The following CARMIL1 variants were observed in gnomAD, a reference collection of about 807,000 sequenced individuals.
The protein encoded by CARMIL1 is capping protein regulator and myosin 1 linker 1, also known as F-actin-uncapping protein LRRC16A.
Under a neutral mutation model 177.1 loss-of-function variants are expected in CARMIL1, and 90 were observed. The observed-to-expected ratio is 0.51, with a 90% CI of 0.43 to 0.61. The LOEUF is 0.61. CARMIL1 is among the 20% of genes least tolerant of loss of function. CARMIL1 has a pLI of 0.00. For synonymous variants in CARMIL1, 577 were observed against 606.2 expected, an observed-to-expected ratio of 0.95 and a Z score of 0.71; for missense variants, 1,380 against 1,667.0, an observed-to-expected ratio of 0.83 and a Z score of 3.00.
chr6:25,308,377 ATT>A (rs35167760), intron 2 of CARMIL1, among the ~76,000 whole-genome samples: 165 of 118,804 alleles, frequency 1.4e-3, no homozygotes, highest in East Asian at 6.5e-3. Context: ...TTGTACAACC[ATT>A]TTTTTTTTTT....
chr6:25,341,177 T>G (rs2744228), intron 2 of CARMIL1, among the ~76,000 whole-genome samples: 65,171 of 151,882 alleles, frequency 0.43, 14,198 homozygotes, highest in African/African-American at 0.51. Context: ...GCTTTGGGCG[T>G]TTAGGTATTT....
intron 8 of CARMIL1, among the ~76,000 whole-genome samples, chr6:25,459,210 T>TTTTC (rs5875042): frequency 0.052 from 4,189 of 80,138 alleles, 349 homozygotes; most frequent in Middle Eastern, 0.076. Flanking sequence ...GATCCCAACT[T>TTTTC]TTTCTTTCTT....
intron 2 of CARMIL1, among the ~76,000 whole-genome samples, chr6:25,349,918 G>A (rs772699852): frequency 7.2e-5 from 11 of 151,914 alleles, no homozygotes; most frequent in Non-Finnish European, 5.9e-5. Context: ...TAGTAGAGAT[G>A]GGGTTTCACC....
intron 29 of CARMIL1, among the ~76,000 whole-genome samples, chr6:25,568,153 A>G (rs1047362701): frequency 1.3e-5 from 2 of 152,260 alleles, no homozygotes; most frequent in African/African-American, 4.8e-5. Flanking sequence ...CAAAAAAATT[A>G]CTTCCATGCT....
chr6:25,318,083 A>G (rs1040082561), intron 2 of CARMIL1, among the ~76,000 whole-genome samples: 1 of 152,148 alleles, frequency 6.6e-6, no homozygotes, highest in Non-Finnish European at 1.5e-5. Flanking sequence ...TTGGGCTTGG[A>G]ATGTGCCAGA....
At chr6:25,570,200 G>A (rs946901812) in intron 29 of CARMIL1, among the ~76,000 whole-genome samples, 3 of 152,158 alleles carry the variant, frequency 2.0e-5, no homozygotes, top group African/African-American at 7.2e-5. Flanking sequence ...TCCTGAGCTC[G>A]TGATCTGCCC....
intron 17 of CARMIL1, among the ~76,000 whole-genome samples, chr6:25,504,106 A>G (rs1231453810): frequency 6.6e-6 from 1 of 152,188 alleles, no homozygotes; most frequent in Non-Finnish European, 1.5e-5. Context: ...CATCTACTAT[A>G]TAGAATTTTT....
At chr6:25,464,260 A>G (rs1286319769) in intron 8 of CARMIL1, among the ~76,000 whole-genome samples, 3 of 151,304 alleles carry the variant, frequency 2.0e-5, no homozygotes, top group East Asian at 1.9e-4. Context: ...TTTTTTTTCT[A>G]CTATCTGTGG....
chr6:25,526,960 T>C (rs1209663652), intron 23 of CARMIL1, among the ~76,000 whole-genome samples: 1 of 152,126 alleles, frequency 6.6e-6, no homozygotes, highest in Non-Finnish European at 1.5e-5. Flanking sequence ...TTTACTCTAC[T>C]GAAGAAAAAA....
At chr6:25,533,522 A>G (rs907759885) in intron 24 of CARMIL1, among the ~76,000 whole-genome samples, 5 of 152,170 alleles carry the variant, frequency 3.3e-5, no homozygotes, top group African/African-American at 1.2e-4. Flanking sequence ...GTAAACATTA[A>G]TGGGTTTTTT....
intron 2 of CARMIL1, among the ~76,000 whole-genome samples, chr6:25,289,915 T>C (rs1781807569): frequency 6.6e-6 from 1 of 152,208 alleles, no homozygotes; most frequent in African/African-American, 2.4e-5. Context: ...GTGAACATAC[T>C]TTTCCTTGCT....
At chr6:25,369,279 A>T (rs1416005650) in intron 2 of CARMIL1, among the ~76,000 whole-genome samples, 1 of 152,108 alleles carries the variant, frequency 6.6e-6, no homozygotes, top group African/African-American at 2.4e-5. Context: ...TGCCATCGAC[A>T]CCATTAGAGC....
intron 31 of CARMIL1, among the ~76,000 whole-genome samples, chr6:25,584,882 G>A (rs1049130089): frequency 6.6e-6 from 1 of 152,178 alleles, no homozygotes; most frequent in Non-Finnish European, 1.5e-5. Flanking sequence ...TTTTGGGGTA[G>A]CATGTCCCAA....
At chr6:25,420,251 C>G in intron 3 of CARMIL1, 87 bp downstream of exon 3, 2 of 1,223,584 alleles carry the variant, frequency 1.6e-6, no homozygotes, top group Non-Finnish European at 2.4e-6. Context: ...TACATGTGTG[C>G]ACACATATTC....
chr6:25,475,687 T>C (rs1801507260), intron 11 of CARMIL1, among the ~76,000 whole-genome samples: 1 of 152,214 alleles, frequency 6.6e-6, no homozygotes, highest in Non-Finnish European at 1.5e-5. Flanking sequence ...AAAAACACTG[T>C]TGAGTGAAAG....
intron 2 of CARMIL1, among the ~76,000 whole-genome samples, chr6:25,332,962 T>C (rs552647664): frequency 7.2e-5 from 11 of 152,252 alleles, no homozygotes; most frequent in Middle Eastern, 3.4e-3. Context: ...GAGTCCTTCA[T>C]TGGGGTCTAG....
At chr6:25,407,085 A>C (rs1451212073) in intron 2 of CARMIL1, among the ~76,000 whole-genome samples, 1 of 152,140 alleles carries the variant, frequency 6.6e-6, no homozygotes, top group African/African-American at 2.4e-5. Flanking sequence ...TGGATTTAGC[A>C]ATCAAGATTG....
intron 26 of CARMIL1, among the ~76,000 whole-genome samples, chr6:25,541,877 C>T (rs2151137922): frequency 6.6e-6 from 1 of 152,314 alleles, no homozygotes; most frequent in South Asian, 2.1e-4. Context: ...TGGTCTCAAA[C>T]TCCTGACGTC....
chr6:25,580,496 C>T (rs1165513309), intron 29 of CARMIL1, among the ~76,000 whole-genome samples: 1 of 152,218 alleles, frequency 6.6e-6, no homozygotes, highest in Non-Finnish European at 1.5e-5. Flanking sequence ...AACGAGAGTG[C>T]AACTACTTAA....
Sources: allele counts gnomAD v4.1 joint callset (sites outside exome capture counted in the v4.1 genomes callset), GRCh38; gene constraint gnomAD v4.1.1; transcripts MANE v1.5; gene names NCBI Gene and HGNC (gene_info 2026-07-23, HGNC 2026-07-21).